Variants in JHY observed in about 807,000 individuals in gnomAD.
JHY encodes the protein jhy protein homolog.
In JHY, 69 loss-of-function variants were observed where a neutral mutation model predicts 78.0. The observed-to-expected ratio is 0.88, with a 90% CI of 0.73 to 1.08. JHY has a LOEUF of 1.08. JHY is among the 50% of genes least tolerant of loss of function. JHY has a pLI of 0.00. For synonymous variants in JHY, 368 were observed against 342.6 expected (o/e 1.07, Z -0.82); for missense variants, 944 against 927.8 (o/e 1.02, Z -0.23).
At chr11:122,950,551 T>C (rs906278882) in intron 6 of JHY, among the ~76,000 whole-genome samples, 21 of 152,224 alleles carry the variant, frequency 1.4e-4, no homozygotes, top group African/African-American at 4.8e-4. Flanking sequence ...ATATCTCTTA[T>C]GACTTGGACA....
At chr11:122,925,783 C>T (rs1045298986) in intron 4 of JHY, among the ~76,000 whole-genome samples, 1 of 151,788 alleles carries the variant, frequency 6.6e-6, no homozygotes, top group Non-Finnish European at 1.5e-5. Flanking sequence ...TTTGGGAGGC[C>T]GAGGTGGGTG....
At position 122,956,585 on chromosome 11, in the gene JHY, G is replaced by C. The variant is rs1373811221; in HGVS notation, c.2010+9G>C. The C allele has an allele frequency of 2.5e-6, 4 of 1,611,906 alleles. No individual in the cohort carries two copies. The African/African-American group carries it at 5.3e-5, about 22-fold the overall frequency. On this transcript the variant is annotated intron_variant, in intron 7 of 8. Transcript: ENST00000227349. The stretch of plus-strand genomic sequence containing the variant: ...AGTCCATCAGAGACAAAGTGAGTGA[G>C]ATGCACATACAGTGTTTCCAGACCT...
Position 122,904,154 on chromosome 11 carries a change from G to C in JHY, c.574G>C (p.Gly192Arg), listed in dbSNP as rs1426043236. The C allele has an allele frequency of 6.2e-7, 1 of 1,614,156 alleles. No individual in the cohort carries two copies. Among genetic ancestry groups the C allele is most frequent in the South Asian group, 1.1e-5 (1 of 91,076 alleles). The change falls in exon 3 of 9, where the codon GGT (glycine) becomes CGT (arginine). Residue 192 changes from glycine (G) to arginine (R), a missense_variant. Coordinates refer to ENST00000227349, the MANE Select transcript of JHY (RefSeq NM_024806.4). ...TCCACAGAGTGCAGCTTCTTTACTTGGTAGTGAATTTTTAAGCCCAAACTA... is the reference window on the plus strand; with the variant it reads ...TCCACAGAGTGCAGCTTCTTTACTTCGTAGTGAATTTTTAAGCCCAAACTA... ...ESPQSAASLL[G>R]SEFLSPNYEH... is the part of the protein sequence containing the mutation.
At chr11:122,911,997 A>C (rs1165382684) in intron 3 of JHY, among the ~76,000 whole-genome samples, 1 of 151,326 alleles carries the variant, frequency 6.6e-6, no homozygotes, top group East Asian at 1.9e-4. Context: ...TTTAATAAGT[A>C]AACTGGGGGT....
At chr11:122,933,348 CA>C (rs1318224191) in intron 4 of JHY, among the ~76,000 whole-genome samples, 1 of 152,236 alleles carries the variant, frequency 6.6e-6, no homozygotes, top group African/African-American at 2.4e-5. Context: ...CACACTGATG[CA>C]TATGGTCATC....
In JHY at chr11:122,930,027, T is replaced by G. The variant is rs186490541; in HGVS notation, c.979-4393T>G. Among the ~76,000 whole-genome samples, 38 of 152,184 alleles carry G rather than the reference T, an allele frequency of 2.5e-4. 1 individual carries two copies. In the East Asian group the frequency reaches 7.3e-3, roughly 29 times the overall value. ...ATGAGAGATGGGGAGCAGAGACCAGTGCAGTCTACACCATCAAGACGCCCA... is the reference window on the plus strand; with the variant it reads ...ATGAGAGATGGGGAGCAGAGACCAGGGCAGTCTACACCATCAAGACGCCCA... On this transcript the variant is annotated intron_variant, in intron 4 of 8. Transcript: ENST00000227349.
chr11:122,959,339 G>C lies in JHY; in HGVS notation c.2231G>C (p.Gly744Ala). ...GAACAAAAAAATCCAACCTATGCTGGGAAAGAAGAAAGTTTACCTGAAATC... is the reference window on the plus strand; with the variant it reads ...GAACAAAAAAATCCAACCTATGCTGCGAAAGAAGAAAGTTTACCTGAAATC... ...SKEQKNPTYAGKEESLPEISL... is the reference protein window; with the variant it reads ...SKEQKNPTYAAKEESLPEISL... Residue 744 changes from glycine (G) to alanine (A), a missense_variant, in exon 9 of 9, where the codon GGG (glycine) becomes GCG (alanine). Transcript: ENST00000227349. 1.2e-6 allele frequency: 2 copies of C among 1,614,078 alleles called. No individual in the cohort carries two copies. The highest frequency in any genetic ancestry group is 1.7e-6 in the Non-Finnish European group (2 of 1,180,020).
chr11:122,953,322 G>A (rs1864130864), intron 6 of JHY, among the ~76,000 whole-genome samples: 1 of 151,960 alleles, frequency 6.6e-6, no homozygotes, highest in South Asian at 2.1e-4. Flanking sequence ...AAGAATTTGG[G>A]CTGGGCACAG....
rs1156977875 is a variant in JHY at position 122,920,054 on chromosome 11, A to C, written c.865-4843A>C. 2.6e-5 allele frequency among the ~76,000 whole-genome samples: 4 copies of C among 152,196 alleles called. No individual in the cohort carries two copies. In the East Asian group the frequency reaches 7.7e-4, roughly 29 times the overall value. On this transcript the variant is annotated intron_variant, in intron 3 of 8. Coordinates refer to ENST00000227349, the MANE Select transcript of JHY (RefSeq NM_024806.4). ...CCTCACAATGGCAGACTGGCAGACA[A>C]TTTCTATCATTGTGTCTCCACCTCT...
chr11:122,936,090 AT>A (rs1218520680), intron 5 of JHY, among the ~76,000 whole-genome samples: 7 of 152,238 alleles, frequency 4.6e-5, no homozygotes, highest in Admixed American at 1.3e-4. Flanking sequence ...GTTCCCCACG[AT>A]GTAGATGTAT....
chr11:122,886,043 G>C lies in JHY; in HGVS notation c.194G>C (p.Arg65Pro), dbSNP rs1227556628. 8 of 1,613,978 alleles carry C rather than the reference G, an allele frequency of 5.0e-6. No individual in the cohort carries two copies. The highest frequency in any genetic ancestry group is 6.8e-6 in the Non-Finnish European group (8 of 1,180,036). ...MCHSEFDDRI[R>P]GNGMEPDSLD... ...CATTCTGAGTTTGATGATCGAATCC[G>C]GGGCAACGGTATGGAGCCCGACAGC... Residue 65 changes from arginine (R) to proline (P), a missense_variant, in exon 2 of 9, where the codon CGG becomes CCG. Coordinates refer to ENST00000227349, the MANE Select transcript of JHY (RefSeq NM_024806.4).
intron 2 of JHY, among the ~76,000 whole-genome samples, chr11:122,891,711 G>C (rs944751237): frequency 1.3e-5 from 2 of 151,868 alleles, no homozygotes; most frequent in African/African-American, 2.4e-5. Context: ...ATCCTTACAG[G>C]AGCCTCTTGG....
In JHY at chr11:122,885,766, G is replaced by A. The variant is rs1416400087; in HGVS notation, c.-84G>A. ...ATAAATATATTTTTTTTCAGGTAACGCTTTTGTGAACCACAACTTTAAATA... is the reference window on the plus strand; with the variant it reads ...ATAAATATATTTTTTTTCAGGTAACACTTTTGTGAACCACAACTTTAAATA... On this transcript the variant is annotated 5_prime_UTR_variant, in exon 2 of 9. Transcript: ENST00000227349. 9.4e-6 allele frequency: 10 copies of A among 1,068,464 alleles called. No homozygotes were observed. Among genetic ancestry groups the A allele is most frequent in the East Asian group, 7.3e-5 (3 of 41,114 alleles). The allele number at this position is 1,068,464 out of a possible 1,614,324, so 66.2% of individuals were successfully genotyped here. A position where few individuals can be genotyped will look rare whatever the true frequency, so the allele number is the denominator to read the frequency against.
In JHY at chr11:122,963,293, T is replaced by C. The variant is rs7110039; in HGVS notation, c.*3848T>C. 0.54 allele frequency among the ~76,000 whole-genome samples: 82,388 copies of C among 152,014 alleles called. 22,840 individuals carry two copies. The highest frequency in any genetic ancestry group is 0.58 in the Non-Finnish European group (39,233 of 67,934). On this transcript the variant is annotated 3_prime_UTR_variant, in exon 9 of 9. Transcript: ENST00000227349. ...GAAGCAGCTTAAGTGATTCAGTTCA[T>C]GTCAAACAACATTTCACAGGATTCT...
Position 122,946,485 on chromosome 11 carries a change from T to G in JHY, c.1635-13T>G. 1 of 1,556,058 alleles carries G rather than the reference T, an allele frequency of 6.4e-7. No individual in the cohort carries two copies. Among genetic ancestry groups the G allele is most frequent in the Non-Finnish European group, 8.6e-7 (1 of 1,156,322 alleles). On this transcript the variant is annotated splice_polypyrimidine_tract_variant and intron_variant, in intron 5 of 8. Coordinates refer to ENST00000227349, the MANE Select transcript of JHY (RefSeq NM_024806.4). ...TTTATTAATAGATTTGTGCCTTTTT[T>G]TTTTTCATTAAGGAAATTCCATTCT... is the stretch of plus-strand genomic sequence containing the variant.
chr11:122,932,522 C>G (rs1182676209), intron 4 of JHY, among the ~76,000 whole-genome samples: 1 of 152,086 alleles, frequency 6.6e-6, no homozygotes, highest in South Asian at 2.1e-4. Flanking sequence ...AGAGAGAAAA[C>G]TAGGAAAAGT....
In JHY at chr11:122,962,699, G is replaced by A. The variant is rs1052082736; in HGVS notation, c.*3254G>A. On this transcript the variant is annotated 3_prime_UTR_variant, in exon 9 of 9. Coordinates refer to ENST00000227349, the MANE Select transcript of JHY (RefSeq NM_024806.4). The stretch of plus-strand genomic sequence containing the variant: ...AGAGACATTCATATTTAAAGGGATA[G>A]GGTAAAATTTTTAAATATTCCATTT... 3.3e-5 allele frequency among the ~76,000 whole-genome samples: 5 copies of A among 152,164 alleles called. No individual in the cohort carries two copies. Among genetic ancestry groups the A allele is most frequent in the African/African-American group, 1.2e-4 (5 of 41,446 alleles).
chr11:122,904,292 G>C lies in JHY; in HGVS notation c.712G>C (p.Val238Leu). 1 of 1,614,120 alleles carries C rather than the reference G, an allele frequency of 6.2e-7. No homozygotes were observed. Among genetic ancestry groups the C allele is most frequent in the Non-Finnish European group, 8.5e-7 (1 of 1,180,014 alleles). The change falls in exon 3 of 9, where the codon GTT becomes CTT. Residue 238 changes from valine (V) to leucine (L), a missense_variant. Coordinates refer to ENST00000227349, the MANE Select transcript of JHY (RefSeq NM_024806.4). Reference sequence around the variant, plus strand: ...GAAGAGCTCAAGTTCACATAACGAGGTTTTCCTGCCGGGATCACGTGGCCC... The same window carrying C: ...GAAGAGCTCAAGTTCACATAACGAGCTTTTCCTGCCGGGATCACGTGGCCC... Reference protein sequence around the residue: ...YVKSSSSHNEVFLPGSRGPRR... With the variant: ...YVKSSSSHNELFLPGSRGPRR...
chr11:122,936,553 C>T (rs1863760860), intron 5 of JHY, among the ~76,000 whole-genome samples: 1 of 151,860 alleles, frequency 6.6e-6, no homozygotes. Context: ...TTGCAAATAA[C>T]TTCTATCATA....
Sources: allele counts gnomAD v4.1 joint callset (sites outside exome capture counted in the v4.1 genomes callset), GRCh38; gene constraint gnomAD v4.1.1; transcripts MANE v1.5; gene names NCBI Gene and HGNC (gene_info 2026-07-23, HGNC 2026-07-21).